WDR64: variants seen among roughly 807,000 people sequenced by gnomAD.
WDR64 encodes WD repeat domain 64.
WDR64 carries 112 observed loss-of-function variants against 139.3 expected under a neutral mutation model. The ratio of observed to expected loss-of-function variants is 0.80; its 90% confidence interval spans 0.69 to 0.94. The LOEUF is 0.94. WDR64 is among the 40% of genes least tolerant of loss of function. The pLI is 0.00. For missense variants in WDR64, 1,206 were observed against 1,293.1 expected, an observed-to-expected ratio of 0.93 and a Z score of 1.03; for synonymous variants, 444 against 437.7, an observed-to-expected ratio of 1.01 and a Z score of -0.18.
At position 241,652,618 on chromosome 1, in the gene WDR64, T is replaced by G; in HGVS notation, c.134T>G (p.Ile45Ser). The G allele has an allele frequency of 2.6e-6, 4 of 1,551,668 alleles. No individual in the cohort carries two copies. Among genetic ancestry groups the G allele is most frequent in the Non-Finnish European group, 3.5e-6 (4 of 1,147,010 alleles). Residue 45 changes from isoleucine (I) to serine (S), a missense_variant, in exon 1 of 28, where the codon ATC becomes AGC. Transcript: ENST00000437684. ...QKRDERAGLF[I>S]HKEDAIGYDK... ...AGAGATGAAAGAGCAGGCTTATTTATCCATAAAGAAGGTAAGATCAGTGAT... is the reference window on the plus strand; with the variant it reads ...AGAGATGAAAGAGCAGGCTTATTTAGCCATAAAGAAGGTAAGATCAGTGAT...
At chr1:241,705,843 C>T (rs1558482278) in intron 8 of WDR64, among the ~76,000 whole-genome samples, 2 of 152,184 alleles carry the variant, frequency 1.3e-5, no homozygotes, top group Non-Finnish European at 2.9e-5. Context: ...CCCACCTTGG[C>T]CTCCCAAAGT....
chr1:241,734,342 G>A (rs1669211178), intron 10 of WDR64, among the ~76,000 whole-genome samples: 2 of 152,026 alleles, frequency 1.3e-5, no homozygotes, highest in Admixed American at 6.6e-5. Context: ...CCTGAGTGAG[G>A]CTATGTCATG....
At chr1:241,771,927 C>T (rs1302470306) in intron 19 of WDR64, among the ~76,000 whole-genome samples, 3 of 41,834 alleles carry the variant, frequency 7.2e-5, no homozygotes, top group Non-Finnish European at 1.4e-4. Flanking sequence ...TATATACATA[C>T]ATATACATAC....
At chr1:241,694,196 A>G (rs921394274) in intron 8 of WDR64, among the ~76,000 whole-genome samples, 16 of 152,198 alleles carry the variant, frequency 1.1e-4, no homozygotes, top group African/African-American at 3.6e-4. Flanking sequence ...AAGCAATGAA[A>G]TAACAGAATT....
rs775107543 is a variant in WDR64, at chr1:241,801,180, C to T, written c.3241C>T (p.Leu1081=). 1.2e-6 allele frequency: 2 copies of T among 1,613,880 alleles called. No individual in the cohort carries two copies. The highest frequency in any genetic ancestry group is 1.7e-6 in the Non-Finnish European group (2 of 1,179,896). ...LKKNLVPQIN[L]ASSFFPAIPK ...AAAAAATTTAGTCCCACAAATAAAT[C>T]TGGCTTCTTCCTTCTTCCCAGCTAT... The change falls in exon 28 of 28, where the codon CTG becomes TTG. Residue 1081 remains leucine (L), a synonymous_variant. Transcript: ENST00000437684.
Position 241,801,313 on chromosome 1 carries a change from T to TA in WDR64, c.*99dup. ...ATGAGAGGGAGAAACCACCAGACAC[T>TA]ATCAGTCATCTCTGGTGTCAGGCCA... is the stretch of plus-strand genomic sequence containing the variant. On this transcript the variant is annotated 3_prime_UTR_variant, in exon 28 of 28. Coordinates refer to ENST00000437684, the MANE Select transcript of WDR64 (RefSeq NM_001367482.1). 9.5e-7 allele frequency: 1 copy of TA among 1,056,390 alleles called. No individual in the cohort carries two copies. Among genetic ancestry groups the TA allele is most frequent in the Non-Finnish European group, 1.4e-6 (1 of 697,540 alleles). The allele number at this position is 1,056,390 out of a possible 1,614,324, so 65.4% of individuals were successfully genotyped here.
At chr1:241,733,996 G>T (rs191024810) in intron 10 of WDR64, among the ~76,000 whole-genome samples, 1 of 152,074 alleles carries the variant, frequency 6.6e-6, no homozygotes, top group East Asian at 1.9e-4. Context: ...GTAAGCCTTG[G>T]GGGGCTGAAA....
intron 6 of WDR64, among the ~76,000 whole-genome samples, chr1:241,681,086 T>G (rs1428896568): frequency 1.3e-5 from 2 of 150,452 alleles, no homozygotes; most frequent in South Asian, 4.2e-4. Context: ...CTACAGCCTC[T>G]TCTCTCTCTC....
At position 241,773,612 on chromosome 1, in the gene WDR64, C is replaced by T. The variant is rs552442276; in HGVS notation, c.2430+681C>T. On this transcript the variant is annotated intron_variant, in intron 20 of 27. Coordinates refer to ENST00000437684, the MANE Select transcript of WDR64 (RefSeq NM_001367482.1). Reference sequence around the variant, plus strand: ...GCCTTCGAGTAGCTGAGGCTATAGGCGTGTGCCAGCACACCCAGCTAATTT... The same window carrying T: ...GCCTTCGAGTAGCTGAGGCTATAGGTGTGTGCCAGCACACCCAGCTAATTT... Among the ~76,000 whole-genome samples, 677 of 152,180 alleles carry T rather than the reference C, an allele frequency of 4.4e-3. 5 individuals are homozygous for T. Among genetic ancestry groups the T allele is most frequent in the African/African-American group, 0.015 (639 of 41,528 alleles).
At chr1:241,770,180 A>T (rs1387563941) in intron 17 of WDR64, among the ~76,000 whole-genome samples, 2 of 152,118 alleles carry the variant, frequency 1.3e-5, no homozygotes, top group African/African-American at 4.8e-5. Context: ...TTCTGTAGAC[A>T]TCTGCACCAG....
Position 241,660,670 on chromosome 1 carries a change from T to C in WDR64, c.276+10T>C, listed in dbSNP as rs1665796272. 1 of 1,545,760 alleles carries C rather than the reference T, an allele frequency of 6.5e-7. No homozygotes were observed. Among genetic ancestry groups the C allele is most frequent in the Non-Finnish European group, 8.7e-7 (1 of 1,144,998 alleles). ...TGCAGACTGGTGTGAGGTAGACTCATTTCATGTTCATAATATGAAATCCAG... is the reference window on the plus strand; with the variant it reads ...TGCAGACTGGTGTGAGGTAGACTCACTTCATGTTCATAATATGAAATCCAG... On this transcript the variant is annotated intron_variant, in intron 2 of 27. Coordinates refer to ENST00000437684, the MANE Select transcript of WDR64 (RefSeq NM_001367482.1).
intron 21 of WDR64, 129 bp downstream of exon 21, chr1:241,775,339 A>G (rs1658622285): frequency 1.6e-6 from 1 of 644,708 alleles, no homozygotes; most frequent in Non-Finnish European, 2.5e-6. Flanking sequence ...CTCAAGCCTG[A>G]GAAAGTGTTA....
chr1:241,768,829 C>T (rs1225332807), intron 16 of WDR64, among the ~76,000 whole-genome samples: 2 of 152,184 alleles, frequency 1.3e-5, no homozygotes, highest in Non-Finnish European at 2.9e-5. Flanking sequence ...TCTGGGTCAA[C>T]AGGAGACTGG....
At chr1:241,690,519 T>C (rs931275966) in intron 8 of WDR64, among the ~76,000 whole-genome samples, 6 of 151,888 alleles carry the variant, frequency 4.0e-5, no homozygotes, top group Non-Finnish European at 8.8e-5. Context: ...AAACAACTTA[T>C]CTGTAGAAAA....
intron 9 of WDR64, among the ~76,000 whole-genome samples, chr1:241,717,728 C>G (rs6699148): frequency 1.1e-4 from 16 of 152,082 alleles, no homozygotes; most frequent in Non-Finnish European, 8.8e-5. Flanking sequence ...TTGACATACT[C>G]TTTACAAATA....
intron 9 of WDR64, among the ~76,000 whole-genome samples, chr1:241,712,271 A>G (rs1259810990): frequency 6.6e-6 from 1 of 152,156 alleles, no homozygotes; most frequent in Non-Finnish European, 1.5e-5. Flanking sequence ...AATTTCATCA[A>G]ATCCTCCAGA....
chr1:241,664,221 T>A (rs1665943830), intron 2 of WDR64, among the ~76,000 whole-genome samples: 1 of 152,212 alleles, frequency 6.6e-6, no homozygotes, highest in Admixed American at 6.5e-5. Context: ...GTCATTAAAC[T>A]TGGGATAGAT....
intron 13 of WDR64, among the ~76,000 whole-genome samples, chr1:241,748,949 A>AAAG (rs1553375799): frequency 1.5e-4 from 23 of 150,292 alleles, no homozygotes; most frequent in African/African-American, 5.7e-4. Flanking sequence ...AAAAAAAAAA[A>AAAG]AAAGAAAGAA....
intron 14 of WDR64, among the ~76,000 whole-genome samples, chr1:241,753,128 C>G (rs1489038629): frequency 1.3e-5 from 2 of 152,076 alleles, no homozygotes; most frequent in Non-Finnish European, 2.9e-5. Context: ...AATGGAAGGA[C>G]TTTTATCCAT....
Sources: gnomAD v4.1 joint callset for allele counts (sites outside exome capture counted in the v4.1 genomes callset) on GRCh38, gnomAD v4.1.1 for gene constraint, MANE v1.5 for transcripts, NCBI Gene and HGNC (gene_info 2026-07-23, HGNC 2026-07-21) for gene names.